Variants in TNNI3K observed in about 807,000 individuals in gnomAD.
The protein encoded by TNNI3K is TNNI3 interacting kinase.
In TNNI3K, 140 loss-of-function variants were observed where a neutral mutation model predicts 114.5. That is an observed-to-expected ratio of 1.22 (90% CI 1.07 to 1.41). The LOEUF is 1.41. TNNI3K is among the 40% of genes most tolerant of loss of function. The probability of loss-of-function intolerance (pLI) is 0.00; values close to 1 mark genes in which losing one functional copy is unlikely to be tolerated. For missense variants in TNNI3K, 1,125 were observed against 1,007.6 expected, an observed-to-expected ratio of 1.12 and a Z score of -1.58; for synonymous variants, 347 against 347.5, an observed-to-expected ratio of 1.00 and a Z score of 0.02.
At chr1:74,499,419 C>G (rs1669495057) in intron 23 of TNNI3K, among the ~76,000 whole-genome samples, 1 of 152,210 alleles carries the variant, frequency 6.6e-6, no homozygotes, top group Non-Finnish European at 1.5e-5. Context: ...ATATGAGCCA[C>G]TGCACCAGGC....
intron 11 of TNNI3K, among the ~76,000 whole-genome samples, chr1:74,360,761 A>G (rs1661920708): frequency 6.6e-6 from 1 of 152,046 alleles, no homozygotes; most frequent in African/African-American, 2.4e-5. Context: ...GTCTTCCCTG[A>G]CATTCCAGCC....
chr1:74,342,864 C>T lies in TNNI3K; in HGVS notation c.705C>T (p.Asp235=). The stretch of plus-strand genomic sequence containing the variant: ...CAGTGAATGCTCAAGATAATGAAGA[C>T]CATGTCCCACTCCATTTCTGTTCTC... ...KADVNAQDNE[D]HVPLHFCSRF... is the part of the protein sequence containing the mutation. Residue 235 remains aspartate, a synonymous_variant, in exon 8 of 25, where the codon GAC becomes GAT. Coordinates refer to ENST00000326637, the MANE Select transcript of TNNI3K (RefSeq NM_015978.3). The T allele has an allele frequency of 6.2e-7, 1 of 1,613,640 alleles. No homozygotes were observed. The highest frequency in any genetic ancestry group is 8.5e-7 in the Non-Finnish European group (1 of 1,179,808).
chr1:74,519,262 T>C (rs1461926752), intron 23 of TNNI3K, among the ~76,000 whole-genome samples: 4 of 87,024 alleles, frequency 4.6e-5, no homozygotes, highest in Non-Finnish European at 8.5e-5. Flanking sequence ...TGTGCCACAT[T>C]TTCTTAATCC....
At chr1:74,441,773 T>C (rs1316577143) in intron 20 of TNNI3K, among the ~76,000 whole-genome samples, 4 of 152,162 alleles carry the variant, frequency 2.6e-5, no homozygotes. Flanking sequence ...GCTTGTTTGA[T>C]ATCCATATTT....
intron 20 of TNNI3K, among the ~76,000 whole-genome samples, chr1:74,446,475 T>A (rs1666686567): frequency 6.7e-6 from 1 of 149,088 alleles, no homozygotes. Flanking sequence ...GAAAATTTTC[T>A]CCCATTTTGT....
chr1:74,309,689 C>G (rs1280941420), intron 5 of TNNI3K, among the ~76,000 whole-genome samples: 2 of 152,128 alleles, frequency 1.3e-5, no homozygotes, highest in Non-Finnish European at 2.9e-5. Context: ...ACCACCTAAA[C>G]AGAATTGACA....
chr1:74,384,374 T>A (rs562553688), intron 17 of TNNI3K, among the ~76,000 whole-genome samples: 1 of 152,244 alleles, frequency 6.6e-6, no homozygotes, highest in East Asian at 1.9e-4. Context: ...GATTTTCTGT[T>A]TTACTTAGGT....
chr1:74,315,627 A>G (rs533577000), intron 5 of TNNI3K, among the ~76,000 whole-genome samples: 45 of 152,016 alleles, frequency 3.0e-4, no homozygotes, highest in Non-Finnish European at 5.3e-4. Context: ...CCTAGAGGCA[A>G]TTTTGCAGCT....
chr1:74,433,834 A>T (rs1570614215), intron 17 of TNNI3K, among the ~76,000 whole-genome samples: 1 of 152,108 alleles, frequency 6.6e-6, no homozygotes, highest in East Asian at 1.9e-4. Flanking sequence ...TATTCACAAA[A>T]GTTGCCAGGT....
At chr1:74,260,980 C>A (rs1363452207) in intron 4 of TNNI3K, among the ~76,000 whole-genome samples, 1 of 151,862 alleles carries the variant, frequency 6.6e-6, no homozygotes, top group African/African-American at 2.4e-5. Flanking sequence ...TTTCAAATAG[C>A]CTTTTTGATA....
chr1:74,249,639 A>C (rs1344528740), intron 3 of TNNI3K, 95 bp downstream of exon 3: 1 of 1,239,916 alleles, frequency 8.1e-7, no homozygotes, highest in Non-Finnish European at 1.1e-6. Context: ...AATTCTATTC[A>C]TACTCAATTT....
chr1:74,318,648 A>T (rs1659449101), intron 5 of TNNI3K, among the ~76,000 whole-genome samples: 1 of 152,228 alleles, frequency 6.6e-6, no homozygotes, highest in Non-Finnish European at 1.5e-5. Context: ...TTCCCCAGAC[A>T]GAATGTAAAA....
intron 5 of TNNI3K, among the ~76,000 whole-genome samples, chr1:74,325,709 A>G (rs1294029960): frequency 6.6e-6 from 1 of 152,138 alleles, no homozygotes; most frequent in African/African-American, 2.4e-5. Context: ...GGTAGAGGAA[A>G]GTTGGAGATG....
At chr1:74,392,200 G>C (rs1224861304) in intron 17 of TNNI3K, among the ~76,000 whole-genome samples, 1 of 152,122 alleles carries the variant, frequency 6.6e-6, no homozygotes, top group Non-Finnish European at 1.5e-5. Context: ...TAACTGGAGA[G>C]GGCTGTGGGT....
At chr1:74,463,250 A>G (rs1414919098) in intron 20 of TNNI3K, among the ~76,000 whole-genome samples, 191 bp from the exon 21 acceptor site, 1 of 152,250 alleles carries the variant, frequency 6.6e-6, no homozygotes, top group Non-Finnish European at 1.5e-5. Flanking sequence ...ATGAATAAAG[A>G]TAAGTTTGTA....
Position 74,278,137 on chromosome 1 carries a change from C to CTT in TNNI3K, c.444+6430_444+6431insTT, listed in dbSNP as rs33986771. ...GAATTATAAAATATGGTTTCTCTCT[C>CTT]TCTCTTATTTTTAATTTTTTAGAGA... On this transcript the variant is annotated intron_variant, in intron 5 of 24. Coordinates refer to ENST00000326637, the MANE Select transcript of TNNI3K (RefSeq NM_015978.3). 4.6e-5 allele frequency among the ~76,000 whole-genome samples: 7 copies of CTT among 152,198 alleles called. No individual in the cohort carries two copies. The East Asian group carries it at 9.7e-4, about 21-fold the overall frequency.
Position 74,331,438 on chromosome 1 carries a change from T to C in TNNI3K, c.445-12T>C, listed in dbSNP as rs768539287. The C allele has an allele frequency of 2.5e-6, 4 of 1,611,156 alleles. No individual in the cohort carries two copies. Among genetic ancestry groups the C allele is most frequent in the Non-Finnish European group, 3.4e-6 (4 of 1,179,008 alleles). On this transcript the variant is annotated splice_polypyrimidine_tract_variant and intron_variant, in intron 5 of 24. Transcript: ENST00000326637. Reference sequence around the variant, plus strand: ...AACTGAAGTTCTTAACCATAATCATTTTCTTGTCCAGGCTGCTGATGTGCT... The same window carrying C: ...AACTGAAGTTCTTAACCATAATCATCTTCTTGTCCAGGCTGCTGATGTGCT...
At chr1:74,253,868 AG>A (rs1235020406) in intron 4 of TNNI3K, among the ~76,000 whole-genome samples, 1 of 152,196 alleles carries the variant, frequency 6.6e-6, no homozygotes, top group African/African-American at 2.4e-5. Context: ...AGGCACCAAG[AG>A]CGAGCGAGGG....
rs776709632 is a variant in TNNI3K, at chr1:74,367,321, G to T, written c.1243G>T (p.Glu415Ter). 4 of 1,612,110 alleles carry T rather than the reference G, an allele frequency of 2.5e-6. No individual in the cohort carries two copies. The highest frequency in any genetic ancestry group is 2.2e-5 in the South Asian group (2 of 91,024). Residue 415 changes from glutamate to a stop codon, truncating the protein, a stop_gained, in exon 12 of 25, where the codon GAA (glutamate) becomes TAA (stop). Transcript: ENST00000326637. LOFTEE classifies it high-confidence loss of function. ...KRPQDELPCN[E>*]YSQPGGDGSY... Reference sequence around the variant, plus strand: ...ACCACAAGATGAATTGCCCTGTAATGAATATTCTCAGCCTGGAGGAGGTAC... The same window carrying T: ...ACCACAAGATGAATTGCCCTGTAATTAATATTCTCAGCCTGGAGGAGGTAC...
Sources: allele counts gnomAD v4.1 joint callset (sites outside exome capture counted in the v4.1 genomes callset), GRCh38; gene constraint gnomAD v4.1.1; transcripts MANE v1.5; gene names NCBI Gene and HGNC (gene_info 2026-07-23, HGNC 2026-07-21).